The following NHLRC2 variants were observed in gnomAD, a reference collection of about 807,000 sequenced individuals.
NHLRC2 encodes NHL repeat containing 2.
NHLRC2 carries 33 observed loss-of-function variants against 68.1 expected under a neutral mutation model. The observed-to-expected ratio is 0.48, with a 90% CI of 0.37 to 0.65. The LOEUF (loss-of-function observed/expected upper bound fraction) is 0.65, where lower values mean the gene tolerates loss of function less well. Ranked by LOEUF, NHLRC2 falls within the 30% of genes least tolerant of loss-of-function variation. NHLRC2 has a pLI of 0.00. For missense variants in NHLRC2, 761 were observed against 853.8 expected, an observed-to-expected ratio of 0.89 and a Z score of 1.35; for synonymous variants, 311 against 309.6, an observed-to-expected ratio of 1.00 and a Z score of -0.05.
intron 5 of NHLRC2, among the ~76,000 whole-genome samples, chr10:113,890,543 T>C (rs1475877947): frequency 6.6e-6 from 1 of 152,206 alleles, no homozygotes; most frequent in Non-Finnish European, 1.5e-5. Context: ...ACTCATTATC[T>C]CTTCAGATAT....
At chr10:113,874,876 G>A (rs776469425) in intron 2 of NHLRC2, among the ~76,000 whole-genome samples, 3 of 151,520 alleles carry the variant, frequency 2.0e-5, no homozygotes, top group Non-Finnish European at 2.9e-5. Context: ...GTATTTTTCA[G>A]TTCTAACATT....
At chr10:113,855,633 AGTT>A (rs1313571936) in intron 1 of NHLRC2, among the ~76,000 whole-genome samples, 1 of 145,854 alleles carries the variant, frequency 6.9e-6, no homozygotes, top group Non-Finnish European at 1.5e-5. Context: ...ACGCCTGGCT[AGTT>A]GTTTTGTTTT....
At chr10:113,860,147 A>T (rs938526009) in intron 2 of NHLRC2, among the ~76,000 whole-genome samples, 13 of 152,132 alleles carry the variant, frequency 8.5e-5, no homozygotes, top group African/African-American at 2.9e-4. Context: ...GGATACAGAG[A>T]TTGAAGTTTG....
At chr10:113,863,266 G>A (rs1589534854) in intron 2 of NHLRC2, among the ~76,000 whole-genome samples, 1 of 152,062 alleles carries the variant, frequency 6.6e-6, no homozygotes. Context: ...AAATATTAAA[G>A]TATCTTTTCT....
chr10:113,880,430 A>G (rs1174582156), intron 4 of NHLRC2, among the ~76,000 whole-genome samples: 1 of 151,656 alleles, frequency 6.6e-6, no homozygotes, highest in Non-Finnish European at 1.5e-5. Flanking sequence ...GTACTCGGTT[A>G]TTTCAGACAT....
intron 5 of NHLRC2, among the ~76,000 whole-genome samples, chr10:113,888,279 A>G (rs1846100507): frequency 6.6e-6 from 1 of 152,158 alleles, no homozygotes; most frequent in South Asian, 2.1e-4. Flanking sequence ...ATTAATGTGT[A>G]TTTCACAGCT....
At chr10:113,865,361 C>T (rs1845856912) in intron 2 of NHLRC2, among the ~76,000 whole-genome samples, 1 of 145,496 alleles carries the variant, frequency 6.9e-6, no homozygotes, top group South Asian at 2.2e-4. Context: ...GGCCCAATAA[C>T]TCACTTGTTA....
chr10:113,894,186 A>G (rs1846157246), intron 5 of NHLRC2, among the ~76,000 whole-genome samples: 2 of 152,174 alleles, frequency 1.3e-5, no homozygotes, highest in South Asian at 4.1e-4. Flanking sequence ...AGCTAAAAGG[A>G]TGGAGTCCTT....
intron 2 of NHLRC2, among the ~76,000 whole-genome samples, chr10:113,865,123 G>A (rs1403661135): frequency 6.6e-6 from 1 of 151,778 alleles, no homozygotes; most frequent in East Asian, 1.9e-4. Context: ...CTAATTTTTT[G>A]TATTTTTAGT....
At chr10:113,882,142 G>C (rs1171726530) in intron 4 of NHLRC2, among the ~76,000 whole-genome samples, 1 of 151,686 alleles carries the variant, frequency 6.6e-6, no homozygotes, top group Non-Finnish European at 1.5e-5. Context: ...ATTTTGGGCT[G>C]TTATGAATAA....
At chr10:113,883,068 C>A (rs983611126) in intron 4 of NHLRC2, among the ~76,000 whole-genome samples, 4 of 151,806 alleles carry the variant, frequency 2.6e-5, no homozygotes, top group African/African-American at 9.7e-5. Flanking sequence ...ATTGCTGTAG[C>A]TTTTAATAAT....
rs568287189 is a variant in NHLRC2, at chr10:113,858,652, T to A, written c.303T>A (p.His101Gln). The A allele has an allele frequency of 1.6e-4, 262 of 1,610,980 alleles. 1 individual carries two copies. The South Asian group carries it at 2.8e-3, about 17-fold the overall frequency. ...INCIHLLPDL[H>Q]ALEHTYSDKD... ...GTATTCACCTATTGCCTGATCTCCATGCATTAGAACACACATACTCTGATA... is the reference window on the plus strand; with the variant it reads ...GTATTCACCTATTGCCTGATCTCCAAGCATTAGAACACACATACTCTGATA... Residue 101 changes from histidine (H) to glutamine (Q), a missense_variant, in exon 2 of 11, where the codon CAT becomes CAA. Physicochemically the swap from His to Gln is conservative, Grantham distance 24 (BLOSUM62 0). Transcript: ENST00000369301.
chr10:113,886,212 A>G (rs1846081443), intron 5 of NHLRC2, among the ~76,000 whole-genome samples: 2 of 152,138 alleles, frequency 1.3e-5, no homozygotes, highest in Admixed American at 6.5e-5. Flanking sequence ...ACAGAAAACT[A>G]TAAAACATTG....
At chr10:113,863,944 T>C (rs915290896) in intron 2 of NHLRC2, among the ~76,000 whole-genome samples, 2 of 152,186 alleles carry the variant, frequency 1.3e-5, no homozygotes, top group African/African-American at 4.8e-5. Flanking sequence ...GACCTATATC[T>C]GGTAGCATTA....
rs959648450 is a variant in NHLRC2 at position 113,913,298 on chromosome 10, T to G, written c.*4762T>G. ...ATAACTTTATATATTTATAGTAACTTAATCCAAAGAACCCCAAAAGTACTA... is the reference window on the plus strand; with the variant it reads ...ATAACTTTATATATTTATAGTAACTGAATCCAAAGAACCCCAAAAGTACTA... On this transcript the variant is annotated 3_prime_UTR_variant, in exon 11 of 11. Transcript: ENST00000369301. 3 of 152,192 alleles carry G rather than the reference T, an allele frequency of 2.0e-5. No individual in the cohort carries two copies. Among genetic ancestry groups the G allele is most frequent in the Non-Finnish European group, 2.9e-5 (2 of 68,034 alleles). The allele number at this position is 152,192 out of a possible 1,614,324, so 9.4% of individuals were successfully genotyped here.
At chr10:113,884,444 T>C (rs1340874607) in intron 5 of NHLRC2, 64 bp downstream of exon 5, 8 of 1,364,868 alleles carry the variant, frequency 5.9e-6, no homozygotes, top group Non-Finnish European at 8.2e-6. Flanking sequence ...TTAAAAATAT[T>C]CTTGAGGTGG....
Position 113,912,674 on chromosome 10 carries a change from G to T in NHLRC2, c.*4138G>T, listed in dbSNP as rs1302210648. 1.3e-5 allele frequency: 2 copies of T among 152,160 alleles called. No homozygotes were observed. The highest frequency in any genetic ancestry group is 1.5e-5 in the Non-Finnish European group (1 of 68,032). 9.4% of individuals were successfully genotyped at this position (152,160 alleles called of 1,614,324 possible). Reference sequence around the variant, plus strand: ...TCTTCAAAGTGCTTTCATGTGTATTGCCTCATTTGAGCTTCAAATAACCTT... The same window carrying T: ...TCTTCAAAGTGCTTTCATGTGTATTTCCTCATTTGAGCTTCAAATAACCTT... On this transcript the variant is annotated 3_prime_UTR_variant, in exon 11 of 11. Coordinates refer to ENST00000369301, the MANE Select transcript of NHLRC2 (RefSeq NM_198514.4).
chr10:113,860,946 G>A (rs1456176634), intron 2 of NHLRC2, among the ~76,000 whole-genome samples: 4 of 152,194 alleles, frequency 2.6e-5, no homozygotes, highest in Non-Finnish European at 5.9e-5. Flanking sequence ...ATGGTGGAAA[G>A]GTGATACTCA....
chr10:113,897,871 T>C (rs1846189928), intron 5 of NHLRC2, among the ~76,000 whole-genome samples: 1 of 152,268 alleles, frequency 6.6e-6, no homozygotes, highest in Non-Finnish European at 1.5e-5. Context: ...GACTTACTGC[T>C]GGTAAGAATA....
Sources: allele counts gnomAD v4.1 joint callset (sites outside exome capture counted in the v4.1 genomes callset), GRCh38; gene constraint gnomAD v4.1.1; transcripts MANE v1.5; gene names NCBI Gene and HGNC (gene_info 2026-07-23, HGNC 2026-07-21).